The following HSD17B3 variants were observed in gnomAD, a reference collection of about 807,000 sequenced individuals.
The protein encoded by HSD17B3 is hydroxysteroid 17-beta dehydrogenase 3.
A neutral mutation model predicts 41.1 loss-of-function variants in HSD17B3; 29 were observed. The ratio of observed to expected loss-of-function variants is 0.71; its 90% CI spans 0.53 to 0.96. HSD17B3 has a LOEUF of 0.96. HSD17B3 is among the 40% of genes least tolerant of loss of function. HSD17B3 has a pLI of 0.00. For synonymous variants in HSD17B3, 126 were observed against 145.6 expected, an observed-to-expected ratio of 0.87 and a Z score of 0.97; for missense variants, 323 against 374.6, an observed-to-expected ratio of 0.86 and a Z score of 1.14.
intron 10 of HSD17B3, among the ~76,000 whole-genome samples, chr9:96,240,361 TG>T (rs1253548376): frequency 1.3e-5 from 2 of 152,214 alleles, no homozygotes; most frequent in African/African-American, 4.8e-5. Context: ...GGAAGTCAAA[TG>T]CTACACATCA....
chr9:96,289,620 A>C (rs866685738), intron 2 of HSD17B3, among the ~76,000 whole-genome samples: 40 of 152,202 alleles, frequency 2.6e-4, no homozygotes, highest in African/African-American at 9.2e-4. Context: ...TTCAGCACAA[A>C]GGATGCTCTT....
intron 2 of HSD17B3, among the ~76,000 whole-genome samples, chr9:96,279,914 C>T (rs938880537): frequency 6.6e-5 from 10 of 152,184 alleles, no homozygotes; most frequent in Non-Finnish European, 7.4e-5. Context: ...GGACTATAAG[C>T]GCCCGCCACC....
In HSD17B3 at chr9:96,248,028, T is replaced by G. The variant is rs550010188; in HGVS notation, c.490-1438A>C. Among the ~76,000 whole-genome samples the G allele has an allele frequency of 9.8e-5, 15 of 152,330 alleles. No individual in the cohort carries two copies. The South Asian group carries it at 2.9e-3, about 29-fold the overall frequency. On this transcript the variant is annotated intron_variant, in intron 6 of 10. Transcript: ENST00000375263. ...ACTTAGTGTTTATCAATATATAATT[T>G]TTTTAAACAAATCAAAGCATTTCTC...
At chr9:96,241,169 G>A (rs1384953981) in intron 9 of HSD17B3, among the ~76,000 whole-genome samples, 4 of 152,128 alleles carry the variant, frequency 2.6e-5, no homozygotes, top group Admixed American at 2.0e-4. Context: ...GGAAGAACTC[G>A]GGTCTCTCTC....
At chr9:96,290,555 T>G (rs2130789778) in intron 2 of HSD17B3, among the ~76,000 whole-genome samples, 1 of 146,824 alleles carries the variant, frequency 6.8e-6, no homozygotes, top group Non-Finnish European at 1.5e-5. Context: ...AAAGTCTCGC[T>G]GGGCACAGTG....
At position 96,262,672 on chromosome 9, in the gene HSD17B3, C is replaced by T. The variant is rs919658762; in HGVS notation, c.202-7729G>A. ...ATATTTTCCTTTTATTAGGTTGGTG[C>T]AAAAGCAATCACGGTTTTTGCCATC... is the stretch of plus-strand genomic sequence containing the variant. On this transcript the variant is annotated intron_variant, in intron 2 of 10. Transcript: ENST00000375263. Among the ~76,000 whole-genome samples the T allele has an allele frequency of 2.0e-5, 3 of 152,088 alleles. No individual in the cohort carries two copies. In the South Asian group the frequency reaches 6.2e-4, roughly 31 times the overall value.
intron 1 of HSD17B3, among the ~76,000 whole-genome samples, chr9:96,299,876 T>C (rs988638068): frequency 6.6e-5 from 10 of 152,148 alleles, no homozygotes; most frequent in African/African-American, 2.2e-4. Flanking sequence ...TGAAATATAT[T>C]ATCTCCCTGA....
Position 96,235,505 on chromosome 9 carries a change from C to A in HSD17B3, c.888G>T (p.Leu296=). ...FYSGAFQRLL[L]THYVAYLKLN... ...GCTTCAGGTATGCCACATAGTGTGT[C>A]AGGAGCAGCCTTTGGAAGGCACCGC... is the stretch of plus-strand genomic sequence containing the variant. The change falls in exon 11 of 11, where the codon CTG becomes CTT. Residue 296 remains leucine, a synonymous_variant. Transcript: ENST00000375263. 2 of 1,614,126 alleles carry A rather than the reference C, an allele frequency of 1.2e-6. No individual in the cohort carries two copies. The highest frequency in any genetic ancestry group is 1.7e-6 in the Non-Finnish European group (2 of 1,180,028).
chr9:96,276,500 A>C (rs1826464631), intron 2 of HSD17B3, among the ~76,000 whole-genome samples: 1 of 152,240 alleles, frequency 6.6e-6, no homozygotes, highest in African/African-American at 2.4e-5. Flanking sequence ...TTGACTTCAA[A>C]ATATATTATA....
At chr9:96,249,491 C>T (rs766339552) in intron 6 of HSD17B3, 72 of 512,096 alleles carry the variant, frequency 1.4e-4, no homozygotes, top group Non-Finnish European at 2.4e-4. Flanking sequence ...TCAGCATCAT[C>T]GAGCTTAGTA....
chr9:96,274,805 A>T (rs1826385861), intron 2 of HSD17B3, among the ~76,000 whole-genome samples: 1 of 152,208 alleles, frequency 6.6e-6, no homozygotes, highest in African/African-American at 2.4e-5. Flanking sequence ...CAAAGAGAAC[A>T]GAGAAAGAAA....
intron 2 of HSD17B3, 122 bp downstream of exon 2, chr9:96,298,294 A>T (rs1827441357): frequency 2.4e-6 from 2 of 821,902 alleles, no homozygotes; most frequent in Non-Finnish European, 2.2e-6. Flanking sequence ...CATAGAGTAT[A>T]TTTTCTCCTT....
intron 3 of HSD17B3, 89 bp from the exon 4 acceptor site, chr9:96,252,999 G>T: frequency 2.4e-6 from 2 of 828,054 alleles, no homozygotes; most frequent in South Asian, 2.7e-5. Context: ...TGTATTACCT[G>T]AGCAGACATT....
intron 10 of HSD17B3, among the ~76,000 whole-genome samples, chr9:96,236,753 C>T (rs1350627127): frequency 6.6e-6 from 1 of 152,002 alleles, no homozygotes; most frequent in Non-Finnish European, 1.5e-5. Context: ...TAGGTACGGG[C>T]CTTGAAAGAT....
chr9:96,278,488 T>C (rs929695631), intron 2 of HSD17B3, among the ~76,000 whole-genome samples: 1 of 152,104 alleles, frequency 6.6e-6, no homozygotes, highest in African/African-American at 2.4e-5. Flanking sequence ...TACACAAAAA[T>C]TAGATGGCAG....
At chr9:96,279,608 A>C (rs568719451) in intron 2 of HSD17B3, among the ~76,000 whole-genome samples, 19 of 152,148 alleles carry the variant, frequency 1.2e-4, no homozygotes, top group Non-Finnish European at 2.4e-4. Context: ...TGGAAAGGGA[A>C]GGGGATTCTC....
At chr9:96,292,978 C>T (rs1442061865) in intron 2 of HSD17B3, among the ~76,000 whole-genome samples, 1 of 152,056 alleles carries the variant, frequency 6.6e-6, no homozygotes, top group East Asian at 1.9e-4. Flanking sequence ...AAGCCATTCT[C>T]GAATGAAGAA....
intron 10 of HSD17B3, among the ~76,000 whole-genome samples, chr9:96,236,936 G>A (rs924944361): frequency 6.6e-6 from 1 of 152,074 alleles, no homozygotes; most frequent in Non-Finnish European, 1.5e-5. Flanking sequence ...GCTTTTAGGG[G>A]AGCTATTCAT....
chr9:96,244,801 T>C (rs1836594518), intron 8 of HSD17B3, among the ~76,000 whole-genome samples: 1 of 152,148 alleles, frequency 6.6e-6, no homozygotes, highest in Non-Finnish European at 1.5e-5. Flanking sequence ...AAGTACGCCT[T>C]AATAAAGCTG....
Sources: gnomAD v4.1 joint callset for allele counts (sites outside exome capture counted in the v4.1 genomes callset) on GRCh38, gnomAD v4.1.1 for gene constraint, MANE v1.5 for transcripts, NCBI Gene and HGNC (gene_info 2026-07-23, HGNC 2026-07-21) for gene names.